Variants in NLGN1 observed in about 807,000 individuals in gnomAD.
The protein encoded by NLGN1 is neuroligin-1.
A neutral mutation model predicts 65.5 loss-of-function variants in NLGN1; 12 were observed. The ratio of observed to expected loss-of-function variants is 0.18; its 90% CI spans 0.12 to 0.30. NLGN1 has a LOEUF of 0.30. NLGN1 is among the 10% of genes least tolerant of loss of function. NLGN1 has a pLI of 1.00. For missense variants in NLGN1, 750 were observed against 1,007.1 expected (o/e 0.74, Z 3.46); for synonymous variants, 350 against 359.5 (o/e 0.97, Z 0.30).
chr3:173,818,134 G>A (rs943189397), intron 4 of NLGN1, among the ~76,000 whole-genome samples: 6 of 152,014 alleles, frequency 3.9e-5, no homozygotes, highest in Non-Finnish European at 7.4e-5. Context: ...TATTTATTAA[G>A]CAGCCACTAT....
At chr3:173,898,106 C>T (rs1430258112) in intron 4 of NLGN1, among the ~76,000 whole-genome samples, 1 of 152,062 alleles carries the variant, frequency 6.6e-6, no homozygotes, top group Admixed American at 6.6e-5. Flanking sequence ...AATTTCTTTA[C>T]TTAGGCATCT....
chr3:173,396,569 C>A (rs929010308), upstream of NLGN1: 1 of 152,152 alleles, frequency 6.6e-6, no homozygotes, highest in Non-Finnish European at 1.5e-5. Flanking sequence ...TTCTTTTGAG[C>A]CTGTTTTTTA....
At chr3:173,492,739 G>C (rs1048945818) in intron 2 of NLGN1, among the ~76,000 whole-genome samples, 1 of 151,766 alleles carries the variant, frequency 6.6e-6, no homozygotes, top group Non-Finnish European at 1.5e-5. Context: ...TACAAAAGTA[G>C]AATAGGTTGG....
At chr3:173,562,088 G>A (rs1298752992) in intron 2 of NLGN1, among the ~76,000 whole-genome samples, 1 of 152,090 alleles carries the variant, frequency 6.6e-6, no homozygotes, top group Admixed American at 6.5e-5. Context: ...CAAGAATAAC[G>A]TGAGCCAAAA....
intron 3 of NLGN1, among the ~76,000 whole-genome samples, chr3:173,635,375 C>T (rs1011154945): frequency 6.6e-6 from 1 of 152,112 alleles, no homozygotes; most frequent in Non-Finnish European, 1.5e-5. Context: ...CTCATTGGTT[C>T]TCAAACAAAT....
intron 4 of NLGN1, among the ~76,000 whole-genome samples, chr3:174,027,613 T>C (rs1729108914): frequency 6.6e-6 from 1 of 152,154 alleles, no homozygotes; most frequent in Non-Finnish European, 1.5e-5. Flanking sequence ...CAACAAGATA[T>C]ATAGTCACAC....
At chr3:174,290,997 TAA>T (rs1254858602), downstream of NLGN1, among the ~76,000 whole-genome samples, 1 of 150,404 alleles carries the variant, frequency 6.6e-6, no homozygotes, top group Non-Finnish European at 1.5e-5. Context: ...GATGCTTTAA[TAA>T]AACTCAAGAA....
intron 3 of NLGN1, among the ~76,000 whole-genome samples, chr3:173,681,882 G>A (rs965923675): frequency 3.3e-5 from 5 of 152,122 alleles, no homozygotes; most frequent in African/African-American, 9.7e-5. Context: ...ATGGTTTGGG[G>A]AATTCATTTA....
chr3:173,895,077 A>T (rs1736101345), intron 4 of NLGN1, among the ~76,000 whole-genome samples: 1 of 151,976 alleles, frequency 6.6e-6, no homozygotes, highest in Non-Finnish European at 1.5e-5. Context: ...TGGTGCCGGG[A>T]GGGGGGGAGT....
At chr3:173,524,223 G>A (rs1735262242) in intron 2 of NLGN1, among the ~76,000 whole-genome samples, 1 of 151,960 alleles carries the variant, frequency 6.6e-6, no homozygotes, top group Admixed American at 6.6e-5. Flanking sequence ...ACTGTGCCCG[G>A]CCTCATATAA....
At chr3:173,942,575 C>A (rs1366771894) in intron 4 of NLGN1, among the ~76,000 whole-genome samples, 1 of 152,090 alleles carries the variant, frequency 6.6e-6, no homozygotes, top group Non-Finnish European at 1.5e-5. Context: ...TTAGTTTCAA[C>A]GTTTTCTTTT....
chr3:173,574,853 T>G (rs950062279), intron 2 of NLGN1, among the ~76,000 whole-genome samples: 5 of 152,206 alleles, frequency 3.3e-5, no homozygotes, highest in African/African-American at 7.2e-5. Flanking sequence ...TAAGATAAAC[T>G]ATGCAAATGA....
At chr3:174,025,655 G>A (rs967103856) in intron 4 of NLGN1, among the ~76,000 whole-genome samples, 2 of 152,064 alleles carry the variant, frequency 1.3e-5, no homozygotes, top group Admixed American at 6.6e-5. Context: ...CTATAACAAT[G>A]CAATATTTTA....
chr3:174,034,515 A>T (rs1160404630), intron 4 of NLGN1, among the ~76,000 whole-genome samples: 2 of 152,132 alleles, frequency 1.3e-5, no homozygotes, highest in African/African-American at 4.8e-5. Context: ...ATGGATAAGT[A>T]AAATGACAGC....
At chr3:173,790,854 A>C (rs1712561856) in intron 3 of NLGN1, among the ~76,000 whole-genome samples, 1 of 152,138 alleles carries the variant, frequency 6.6e-6, no homozygotes, top group Non-Finnish European at 1.5e-5. Flanking sequence ...TTGTCTCCTG[A>C]GATGCTGTGA....
intron 4 of NLGN1, among the ~76,000 whole-genome samples, chr3:174,096,133 C>T (rs992061329): frequency 6.6e-6 from 1 of 151,046 alleles, no homozygotes; most frequent in African/African-American, 2.4e-5. Context: ...TTTTAATGGA[C>T]ACAATGTATA....
intron 4 of NLGN1, among the ~76,000 whole-genome samples, chr3:174,024,042 G>A (rs1728317202): frequency 6.6e-6 from 1 of 150,406 alleles, no homozygotes; most frequent in South Asian, 2.1e-4. Context: ...AGTGTAGAGA[G>A]AAGCGAAAGC....
At chr3:174,067,646 T>G (rs1738921402) in intron 4 of NLGN1, among the ~76,000 whole-genome samples, 1 of 152,112 alleles carries the variant, frequency 6.6e-6, no homozygotes, top group South Asian at 2.1e-4. Context: ...CTGGAGGAAT[T>G]TCATCGGACA....
chr3:174,222,996 TTATC>T (rs1738944510), intron 4 of NLGN1, among the ~76,000 whole-genome samples: 1 of 152,216 alleles, frequency 6.6e-6, no homozygotes, highest in Admixed American at 6.5e-5. Context: ...CAATCTCACT[TTATC>T]TAATTTATTT....
Sources: allele counts gnomAD v4.1 joint callset (sites outside exome capture counted in the v4.1 genomes callset), GRCh38; gene constraint gnomAD v4.1.1; transcripts MANE v1.5; gene names NCBI Gene and HGNC (gene_info 2026-07-23, HGNC 2026-07-21).